Variants in ARIH1 observed in about 807,000 individuals in gnomAD.
ARIH1 encodes the protein ariadne RBR E3 ubiquitin protein ligase 1.
In ARIH1, 8 loss-of-function variants were observed where a neutral mutation model predicts 85.0. The observed-to-expected ratio is 0.09, with a 90% CI of 0.06 to 0.17. ARIH1 has a LOEUF of 0.17. ARIH1 is among the 10% of genes least tolerant of loss of function. The probability of loss-of-function intolerance (pLI) is 1.00; values close to 1 mark genes in which losing one functional copy is unlikely to be tolerated. For missense variants in ARIH1, 311 were observed against 718.1 expected, an observed-to-expected ratio of 0.43 and a Z score of 6.48; for synonymous variants, 238 against 253.6, an observed-to-expected ratio of 0.94 and a Z score of 0.59.
At chr15:72,502,419 A>G (rs1159018977) in intron 1 of ARIH1, among the ~76,000 whole-genome samples, 1 of 152,244 alleles carries the variant, frequency 6.6e-6, no homozygotes, top group Non-Finnish European at 1.5e-5. Flanking sequence ...TCAAATGCAT[A>G]TCTCAGCAAA....
rs2064324003 is a variant in ARIH1, at chr15:72,587,838, G to GT, written c.*4551dup. Reference sequence around the variant, plus strand: ...TAAACAGACAACTTTTAGGTTTTTAGTTTTTGCTTTTGTGTGGAGTTGAGT... The same window carrying GT: ...TAAACAGACAACTTTTAGGTTTTTAGTTTTTTGCTTTTGTGTGGAGTTGAGT... On this transcript the variant is annotated 3_prime_UTR_variant, in exon 14 of 14. Transcript: ENST00000379887. The GT allele has an allele frequency of 1.3e-5, 2 of 152,234 alleles. No individual in the cohort carries two copies. The highest frequency in any genetic ancestry group is 2.1e-4 in the South Asian group (1 of 4,818). 9.4% of individuals were successfully genotyped at this position (152,234 alleles called of 1,614,324 possible). A position where few individuals can be genotyped will look rare whatever the true frequency, so the allele number is the denominator to read the frequency against.
intron 2 of ARIH1, among the ~76,000 whole-genome samples, chr15:72,524,092 G>A (rs367599334): frequency 2.0e-5 from 3 of 151,528 alleles, no homozygotes; most frequent in African/African-American, 4.8e-5. Context: ...GACTACAGGC[G>A]CCTGCCACCA....
At chr15:72,568,114 A>G (rs2064228810) in intron 9 of ARIH1, among the ~76,000 whole-genome samples, 1 of 152,196 alleles carries the variant, frequency 6.6e-6, no homozygotes, top group Admixed American at 6.5e-5. Context: ...ACAAATGCCC[A>G]AGTCTTTAAG....
intron 1 of ARIH1, among the ~76,000 whole-genome samples, chr15:72,498,312 G>A (rs141200651): frequency 1.3e-5 from 2 of 152,136 alleles, no homozygotes; most frequent in African/African-American, 4.8e-5. Context: ...ACCTTATTCT[G>A]CAAGTTGCTA....
intron 11 of ARIH1, among the ~76,000 whole-genome samples, chr15:72,577,617 G>A (rs2064277510): frequency 6.6e-6 from 1 of 152,094 alleles, no homozygotes; most frequent in African/African-American, 2.4e-5. Flanking sequence ...AGGTCGTGGA[G>A]AGCCGAGATC....
At chr15:72,500,285 G>A (rs2140401300) in intron 1 of ARIH1, among the ~76,000 whole-genome samples, 1 of 152,204 alleles carries the variant, frequency 6.6e-6, no homozygotes, top group African/African-American at 2.4e-5. Flanking sequence ...AATAGAGACG[G>A]GGTTTCACTG....
At chr15:72,555,399 A>ATT (rs779416806) in intron 4 of ARIH1, 36 bp downstream of exon 4, 1 of 1,496,234 alleles carries the variant, frequency 6.7e-7, no homozygotes, top group South Asian at 1.1e-5. Flanking sequence ...TTTTTGTTGA[A>ATT]TTTCCTATAG....
At chr15:72,528,034 ACAG>A (rs2064038072) in intron 2 of ARIH1, among the ~76,000 whole-genome samples, 1 of 152,200 alleles carries the variant, frequency 6.6e-6, no homozygotes, top group East Asian at 1.9e-4. Flanking sequence ...GCTTTTAGAA[ACAG>A]CATCAACAAT....
intron 2 of ARIH1, among the ~76,000 whole-genome samples, chr15:72,524,912 T>TCTCA (rs1294636620): frequency 2.0e-5 from 3 of 152,146 alleles, no homozygotes; most frequent in South Asian, 2.1e-4. Context: ...TGAGACAGGG[T>TCTCA]CTCACTCTGT....
intron 1 of ARIH1, among the ~76,000 whole-genome samples, chr15:72,479,734 C>G (rs1226742977): frequency 6.6e-6 from 1 of 151,668 alleles, no homozygotes; most frequent in Non-Finnish European, 1.5e-5. Context: ...AAAAAAATAT[C>G]TAAGCCTTAC....
intron 1 of ARIH1, among the ~76,000 whole-genome samples, chr15:72,489,352 A>G (rs758105374): frequency 4.6e-5 from 7 of 151,972 alleles, no homozygotes; most frequent in Non-Finnish European, 8.8e-5. Flanking sequence ...GAAAGACACT[A>G]TTTGCCTCTT....
Position 72,583,369 on chromosome 15 carries a change from A to C in ARIH1, c.*77A>C. On this transcript the variant is annotated 3_prime_UTR_variant, in exon 14 of 14. Transcript: ENST00000379887. ...ATGCAATTAAAACAAAACAAACACAAACAAGGAGGCACTAAGCCTATTCTG... is the reference window on the plus strand; with the variant it reads ...ATGCAATTAAAACAAAACAAACACACACAAGGAGGCACTAAGCCTATTCTG... 8.2e-7 allele frequency: 1 copy of C among 1,222,790 alleles called. No individual in the cohort carries two copies. Among genetic ancestry groups the C allele is most frequent in the Non-Finnish European group, 1.2e-6 (1 of 840,784 alleles). 75.7% of individuals were successfully genotyped at this position (1,222,790 alleles called of 1,614,324 possible). A position where few individuals can be genotyped will look rare whatever the true frequency, so the allele number is the denominator to read the frequency against.
At chr15:72,548,805 A>C (rs2064140700) in intron 3 of ARIH1, among the ~76,000 whole-genome samples, 1 of 152,166 alleles carries the variant, frequency 6.6e-6, no homozygotes, top group Admixed American at 6.5e-5. Flanking sequence ...TTTTTATTAT[A>C]TATATCTTCA....
chr15:72,552,327 C>T (rs1324540665), intron 3 of ARIH1, among the ~76,000 whole-genome samples: 2 of 152,156 alleles, frequency 1.3e-5, no homozygotes, highest in Non-Finnish European at 1.5e-5. Context: ...CTTGCCCTGT[C>T]ATCAGGCTGG....
rs1555483014 is a variant in ARIH1, at chr15:72,474,891, C to CGGCGGTGGT, written c.255_263dup (p.Gly88_Gly90dup). 8 of 1,429,354 alleles carry CGGCGGTGGT rather than the reference C, an allele frequency of 5.6e-6. No homozygotes were observed. In the South Asian group the frequency reaches 7.6e-5, roughly 14 times the overall value. The allele number at this position is 1,429,354 out of a possible 1,614,324, so 88.5% of individuals were successfully genotyped here. ...CCGGCGGTGGCGGCGGCGGCGGCGG[C>CGGCGGTGGT]GGCGGTGGTGGTGGCGGGCCGGGGC... On this transcript the variant is annotated inframe_insertion, in exon 1 of 14. Coordinates refer to ENST00000379887, the MANE Select transcript of ARIH1 (RefSeq NM_005744.5).
intron 2 of ARIH1, among the ~76,000 whole-genome samples, chr15:72,540,156 G>A (rs2064100305): frequency 6.6e-6 from 1 of 151,268 alleles, no homozygotes; most frequent in African/African-American, 2.4e-5. Flanking sequence ...TACTTGGGAG[G>A]CTGAGGCAGG....
chr15:72,525,036 G>A (rs1447225109), intron 2 of ARIH1, among the ~76,000 whole-genome samples: 1 of 152,094 alleles, frequency 6.6e-6, no homozygotes, highest in Non-Finnish European at 1.5e-5. Context: ...ACAGGTGCGT[G>A]CCACCATCTC....
intron 1 of ARIH1, among the ~76,000 whole-genome samples, chr15:72,492,924 G>T (rs1227998528): frequency 6.6e-6 from 1 of 152,120 alleles, no homozygotes; most frequent in Non-Finnish European, 1.5e-5. Context: ...CCTAATCTTT[G>T]ATTCATACCA....
chr15:72,527,524 A>G (rs2064035807), intron 2 of ARIH1, among the ~76,000 whole-genome samples: 1 of 150,900 alleles, frequency 6.6e-6, no homozygotes, highest in South Asian at 2.1e-4. Flanking sequence ...TTATCTCCGT[A>G]TCCTTATGTC....
Sources: gnomAD v4.1 joint callset for allele counts (sites outside exome capture counted in the v4.1 genomes callset) on GRCh38, gnomAD v4.1.1 for gene constraint, MANE v1.5 for transcripts, NCBI Gene and HGNC (gene_info 2026-07-23, HGNC 2026-07-21) for gene names.